Variants in HTT observed in about 807,000 individuals in gnomAD.
HTT encodes the protein huntingtin.
HTT carries 104 observed loss-of-function variants against 362.3 expected under a neutral mutation model. The ratio of observed to expected loss-of-function variants is 0.29; its 90% confidence interval spans 0.24 to 0.34. HTT has a LOEUF of 0.34. HTT is among the 10% of genes least tolerant of loss of function. HTT has a pLI of 1.00. For synonymous variants in HTT, 1,577 were observed against 1,548.7 expected (o/e 1.02, Z -0.43); for missense variants, 3,301 against 3,928.6 (o/e 0.84, Z 4.27).
At chr4:3,204,585 G>A (rs777643418) in intron 42 of HTT, among the ~76,000 whole-genome samples, 3 of 152,326 alleles carry the variant, frequency 2.0e-5, no homozygotes, top group East Asian at 3.9e-4. Context: ...CCAGCAACTC[G>A]AGAGGCTGAG....
At chr4:3,169,700 A>G (rs1717883479) in intron 29 of HTT, among the ~76,000 whole-genome samples, 1 of 151,856 alleles carries the variant, frequency 6.6e-6, no homozygotes, top group South Asian at 2.1e-4. Context: ...CAGCCTCCCG[A>G]GTAGCTGGGA....
At chr4:3,162,333 G>C (rs957952803) in intron 29 of HTT, among the ~76,000 whole-genome samples, 39 of 152,308 alleles carry the variant, frequency 2.6e-4, no homozygotes, top group African/African-American at 9.1e-4. Flanking sequence ...TAGTGTTGTA[G>C]TATAGTTTGA....
intron 26 of HTT, among the ~76,000 whole-genome samples, chr4:3,152,750 G>A (rs1716960916): frequency 6.6e-6 from 1 of 150,486 alleles, no homozygotes; most frequent in African/African-American, 2.4e-5. Context: ...GGGTTCAAGC[G>A]ATTCTCCTGC....
At chr4:3,238,730 G>GGGCCCCCC in intron 65 of HTT, 88 bp from the exon 66 acceptor site, 120 of 1,096,894 alleles carry the variant, frequency 1.1e-4, no homozygotes, top group Middle Eastern at 2.9e-4. Context: ...AATGCCTCTG[G>GGGCCCCCC]CCCCCACCCC....
chr4:3,212,820 C>G (rs1244748909), intron 49 of HTT, 111 bp downstream of exon 49: 1 of 1,142,084 alleles, frequency 8.8e-7, no homozygotes, highest in Non-Finnish European at 1.3e-6. Context: ...CCAGTCCAGT[C>G]ACTTTTCCAT....
At position 3,206,550 on chromosome 4, in the gene HTT, C is replaced by G; in HGVS notation, c.5773C>G (p.Gln1925Glu). 1.2e-6 allele frequency: 2 copies of G among 1,614,064 alleles called. No homozygotes were observed. The highest frequency in any genetic ancestry group is 1.1e-5 in the South Asian group (1 of 91,072). The change falls in exon 43 of 67, where the codon CAA (glutamine) becomes GAA (glutamate). Residue 1925 changes from glutamine to glutamate, a missense_variant. Gln to Glu is a conservative substitution (Grantham distance 29). Around this residue, in one of 4 missense-constraint regions of HTT, gnomAD observed 2,316 missense variants for 2,658.5 expected, o/e 0.87. Coordinates refer to ENST00000355072, the MANE Select transcript of HTT (RefSeq NM_001388492.1). The surrounding 1 kb of genome is among the most constrained non-coding windows in gnomAD (Gnocchi z 4.6). ...AACGTGGCTCATTGTAAATCACATT[C>G]AAGATCTGATCAGCCTTTCCCACGA... Reference protein sequence around the residue: ...HLTWLIVNHIQDLISLSHEPP... With the variant: ...HLTWLIVNHIEDLISLSHEPP...
At chr4:3,114,572 C>G (rs987566595) in intron 6 of HTT, among the ~76,000 whole-genome samples, 2 of 152,224 alleles carry the variant, frequency 1.3e-5, no homozygotes, top group African/African-American at 4.8e-5. Flanking sequence ...ATAGTGCTTG[C>G]TCAGTGCATG....
intron 6 of HTT, among the ~76,000 whole-genome samples, chr4:3,114,149 T>C (rs1203252900): frequency 6.6e-6 from 1 of 152,230 alleles, no homozygotes; most frequent in Non-Finnish European, 1.5e-5. Flanking sequence ...AAGAAGAGGT[T>C]GGGCTAGTTA....
chr4:3,094,433 A>C (rs2110149979), intron 2 of HTT, among the ~76,000 whole-genome samples: 1 of 151,986 alleles, frequency 6.6e-6, no homozygotes, highest in Non-Finnish European at 1.5e-5. Flanking sequence ...TATTGGGTAC[A>C]CCTCCCAGAT....
intron 3 of HTT, among the ~76,000 whole-genome samples, chr4:3,102,664 A>G (rs1182205292): frequency 6.6e-6 from 1 of 152,172 alleles, no homozygotes; most frequent in Non-Finnish European, 1.5e-5. Context: ...TGCCCATGCC[A>G]CGGTTAAAGA....
intron 56 of HTT, among the ~76,000 whole-genome samples, chr4:3,225,192 C>T (rs1720853097): frequency 2.6e-5 from 4 of 152,126 alleles, no homozygotes. Flanking sequence ...CATTATCCTG[C>T]TCCCGCTCCT....
At chr4:3,196,436 T>C (rs1340960111) in intron 40 of HTT, among the ~76,000 whole-genome samples, 1 of 152,200 alleles carries the variant, frequency 6.6e-6, no homozygotes, top group Non-Finnish European at 1.5e-5. Flanking sequence ...TTGATGCTTA[T>C]TTAAAAATAT....
intron 21 of HTT, among the ~76,000 whole-genome samples, chr4:3,138,089 C>T (rs1352828496): frequency 6.7e-6 from 1 of 149,692 alleles, no homozygotes; most frequent in East Asian, 2.0e-4. Flanking sequence ...TCCTTCCTTC[C>T]TTCCTTCCTT....
chr4:3,209,938 A>T lies in HTT; in HGVS notation c.6403A>T (p.Met2135Leu). Residue 2135 changes from methionine to leucine, a missense_variant, in exon 47 of 67, where the codon ATG becomes TTG. Physicochemically the swap from Met to Leu is conservative, Grantham distance 15. Around this residue, in one of 4 missense-constraint regions of HTT, gnomAD observed 2,316 missense variants for 2,658.5 expected, o/e 0.87. Transcript: ENST00000355072. Reference sequence around the variant, plus strand: ...TCCTGCTGAAGATATGAATGCCTTCATGATGAACTCGGTACGGGGGGAGCA... The same window carrying T: ...TCCTGCTGAAGATATGAATGCCTTCTTGATGAACTCGGTACGGGGGGAGCA... ...RIPAEDMNAFMMNSEFNLSLL... is the reference protein window; with the variant it reads ...RIPAEDMNAFLMNSEFNLSLL... 6.2e-7 allele frequency: 1 copy of T among 1,613,986 alleles called. No homozygotes were observed. Among genetic ancestry groups the T allele is most frequent in the Non-Finnish European group, 8.5e-7 (1 of 1,179,902 alleles).
Position 3,185,039 on chromosome 4 carries a change from T to C in HTT, c.4867-1558T>C, listed in dbSNP as rs146183467. The stretch of plus-strand genomic sequence containing the variant: ...CACCGAGGGCACTGATGAGTGCTTT[T>C]GGAGGAGCAAAGGGAGCCAAACCCT... On this transcript the variant is annotated intron_variant, in intron 37 of 66. Coordinates refer to ENST00000355072, the MANE Select transcript of HTT (RefSeq NM_001388492.1). Among the ~76,000 whole-genome samples the C allele has an allele frequency of 2.6e-5, 4 of 152,158 alleles. No individual in the cohort carries two copies. The East Asian group carries it at 7.7e-4, about 29-fold the overall frequency.
At chr4:3,119,816 G>A (rs2110176112) in intron 8 of HTT, among the ~76,000 whole-genome samples, 1 of 152,294 alleles carries the variant, frequency 6.6e-6, no homozygotes, top group East Asian at 1.9e-4. Flanking sequence ...CAAAATGGAT[G>A]GCTTAAGAAG....
Position 3,212,050 on chromosome 4 carries a change from C to G in HTT, c.6536C>G (p.Thr2179Ser). The stretch of plus-strand genomic sequence containing the variant: ...GTGACTCTGGCCCGTGTGAGCGGCA[C>G]CGTGCAGCAGCTCCCTGCTGTCCAT... Reference protein sequence around the residue: ...REVTLARVSGTVQQLPAVHHV... With the variant: ...REVTLARVSGSVQQLPAVHHV... Residue 2179 changes from threonine (T) to serine (S), a missense_variant, in exon 48 of 67, where the codon ACC becomes AGC. Physicochemically the swap from Thr to Ser is moderately conservative, Grantham distance 58. Around this residue, in one of 4 missense-constraint regions of HTT, gnomAD observed 2,316 missense variants for 2,658.5 expected, o/e 0.87. Transcript: ENST00000355072. 6.2e-7 allele frequency: 1 copy of G among 1,614,182 alleles called. No homozygotes were observed. Among genetic ancestry groups the G allele is most frequent in the Non-Finnish European group, 8.5e-7 (1 of 1,180,030 alleles).
chr4:3,097,509 G>A (rs1713911329), intron 2 of HTT, among the ~76,000 whole-genome samples: 1 of 152,194 alleles, frequency 6.6e-6, no homozygotes, highest in African/African-American at 2.4e-5. Context: ...CTGTGTGCCT[G>A]TAATCCCAGC....
At chr4:3,184,280 G>A (rs1718655905) in intron 37 of HTT, among the ~76,000 whole-genome samples, 1 of 152,068 alleles carries the variant, frequency 6.6e-6, no homozygotes, top group Admixed American at 6.5e-5. Context: ...GGGCGGACAT[G>A]CTGTTAGGGT....
Sources: allele counts gnomAD v4.1 joint callset (sites outside exome capture counted in the v4.1 genomes callset), GRCh38; gene constraint gnomAD v4.1.1; regional missense constraint gnomAD v4.1.1; non-coding constraint Gnocchi (gnomAD v3.1); transcripts MANE v1.5; gene names NCBI Gene and HGNC (gene_info 2026-07-23, HGNC 2026-07-21).